The following ERBB4 variants were observed in gnomAD, a reference collection of about 807,000 sequenced individuals.
ERBB4 encodes the protein receptor tyrosine-protein kinase erbB-4.
In ERBB4, 42 loss-of-function variants were observed where a neutral mutation model predicts 158.0. The observed-to-expected ratio is 0.27, with a 90% CI of 0.21 to 0.34. ERBB4 has a LOEUF of 0.34. Among genes scored for constraint, ERBB4 ranks in the 10% least tolerant of loss-of-function variants. The pLI is 1.00. For synonymous variants in ERBB4, 583 were observed against 558.7 expected (o/e 1.04, Z -0.61); for missense variants, 1,333 against 1,624.1 (o/e 0.82, Z 3.08).
chr2:211,970,976 T>C lies in ERBB4; in HGVS notation c.235-23360A>G, dbSNP rs548532334. 2.0e-3 allele frequency among the ~76,000 whole-genome samples: 299 copies of C among 152,328 alleles called. 1 individual carries two copies. The highest frequency in any genetic ancestry group is 7.0e-3 in the African/African-American group (291 of 41,584). ...TGTGGTTGCTTTACAGCATCACTGG[T>C]CTGTGTACTTCAGTGTGTTTCTGTA... On this transcript the variant is annotated intron_variant, in intron 2 of 27. Transcript: ENST00000342788.
intron 14 of ERBB4, among the ~76,000 whole-genome samples, chr2:211,670,040 A>G (rs936725556): frequency 6.6e-6 from 1 of 152,230 alleles, no homozygotes; most frequent in Admixed American, 6.5e-5. Flanking sequence ...AGAATATATC[A>G]TAAGATCAGG....
At position 212,003,181 on chromosome 2, in the gene ERBB4, G is replaced by GA. The variant is rs775317883; in HGVS notation, c.235-55566dup. 9.7e-3 allele frequency among the ~76,000 whole-genome samples: 535 copies of GA among 55,066 alleles called. 16 individuals carry two copies. The highest frequency in any genetic ancestry group is 0.013 in the Non-Finnish European group (275 of 21,722). 36.1% of individuals were successfully genotyped at this position (55,066 alleles called of 152,430 possible). ...AGAAAGAAAGAAAGAAAGAAAGAAA[G>GA]AAAGAAAGAAAGAAAGAAAGAAAGA... On this transcript the variant is annotated intron_variant, in intron 2 of 27. Coordinates refer to ENST00000342788, the MANE Select transcript of ERBB4 (RefSeq NM_005235.3).
rs148888536 is a variant in ERBB4 at position 211,540,365 on chromosome 2, C to T, written c.2487+21538G>A. Among the ~76,000 whole-genome samples the T allele has an allele frequency of 2.2e-4, 33 of 151,842 alleles. No homozygotes were observed. The East Asian group carries it at 5.3e-3, about 24-fold the overall frequency. On this transcript the variant is annotated intron_variant, in intron 20 of 27. Coordinates refer to ENST00000342788, the MANE Select transcript of ERBB4 (RefSeq NM_005235.3). The stretch of plus-strand genomic sequence containing the variant: ...CATAATCTGGTAGGGGAGAGCAACT[C>T]GTACACATAATTGCAATGCAATCGA...
intron 2 of ERBB4, among the ~76,000 whole-genome samples, chr2:212,055,063 G>A (rs540372891): frequency 3.3e-5 from 5 of 152,178 alleles, no homozygotes; most frequent in Non-Finnish European, 5.9e-5. Flanking sequence ...AAGGGAAGCA[G>A]TGACGGATGG....
Position 211,533,834 on chromosome 2 carries a change from G to A in ERBB4, c.2487+28069C>T, listed in dbSNP as rs188191178. Among the ~76,000 whole-genome samples the A allele has an allele frequency of 2.0e-5, 3 of 152,098 alleles. No individual in the cohort carries two copies. The East Asian group carries it at 5.8e-4, about 29-fold the overall frequency. On this transcript the variant is annotated intron_variant, in intron 20 of 27. Coordinates refer to ENST00000342788, the MANE Select transcript of ERBB4 (RefSeq NM_005235.3). The stretch of plus-strand genomic sequence containing the variant: ...AACAGTGAGCTGAAAAACATGGTCA[G>A]TAATCTTTGGTCAAACATGCTATAA...
chr2:212,446,609 A>ATG lies in ERBB4; in HGVS notation c.82+91839_82+91840insCA, dbSNP rs1293473914. 4.4e-5 allele frequency among the ~76,000 whole-genome samples: 2 copies of ATG among 45,520 alleles called. 1 individual carries two copies. The highest frequency in any genetic ancestry group is 1.0e-4 in the Non-Finnish European group (2 of 19,608). 29.9% of individuals were successfully genotyped at this position (45,520 alleles called of 152,430 possible). On this transcript the variant is annotated intron_variant, in intron 1 of 27. Transcript: ENST00000342788. ...TATATATGTATATATATATATATAT[A>ATG]TATATATATATATATATATATATAT...
chr2:212,339,124 T>C (rs2088582797), intron 1 of ERBB4, among the ~76,000 whole-genome samples: 1 of 152,078 alleles, frequency 6.6e-6, no homozygotes, highest in Non-Finnish European at 1.5e-5. Context: ...ACATATTAAG[T>C]CCAGCATGCA....
chr2:211,676,374 A>G (rs2072070532), intron 13 of ERBB4, among the ~76,000 whole-genome samples: 1 of 152,220 alleles, frequency 6.6e-6, no homozygotes, highest in Non-Finnish European at 1.5e-5. Context: ...TAAATATGAA[A>G]TATGCTAAAT....
intron 1 of ERBB4, among the ~76,000 whole-genome samples, chr2:212,529,628 A>C (rs1692639993): frequency 6.6e-6 from 1 of 152,096 alleles, no homozygotes; most frequent in Admixed American, 6.5e-5. Flanking sequence ...AATGTATGCT[A>C]TTCATTCATG....
chr2:211,524,792 T>C (rs1173947066), intron 20 of ERBB4, among the ~76,000 whole-genome samples: 1 of 152,130 alleles, frequency 6.6e-6, no homozygotes, highest in Non-Finnish European at 1.5e-5. Flanking sequence ...GGGAGCCGGC[T>C]CTGGCCTTGG....
chr2:211,465,563 C>T (rs550818709), intron 20 of ERBB4, among the ~76,000 whole-genome samples: 1 of 150,630 alleles, frequency 6.6e-6, no homozygotes, highest in South Asian at 2.1e-4. Context: ...ACTTCACTTA[C>T]TTTTGAAGCC....
chr2:211,678,867 C>T (rs1006194269), intron 13 of ERBB4, among the ~76,000 whole-genome samples, 185 bp downstream of exon 13: 10 of 144,776 alleles, frequency 6.9e-5, no homozygotes, highest in Non-Finnish European at 1.5e-4. Context: ...CTTGGGAGGC[C>T]AAGGCAGGAG....
intron 1 of ERBB4, among the ~76,000 whole-genome samples, chr2:212,274,512 C>A (rs965789848): frequency 6.6e-6 from 1 of 151,732 alleles, no homozygotes; most frequent in African/African-American, 2.4e-5. Flanking sequence ...TAGCAACTAG[C>A]GGAGGCTAGA....
chr2:212,474,822 C>CTTTGTTTTTTTTTTT (rs1689296826), intron 1 of ERBB4, among the ~76,000 whole-genome samples: 1 of 94,412 alleles, frequency 1.1e-5, no homozygotes, highest in African/African-American at 6.1e-5. Flanking sequence ...CCCGGCCATT[C>CTTTGTTTTTTTTTTT]TTTTTTTTTT....
intron 1 of ERBB4, among the ~76,000 whole-genome samples, chr2:212,414,278 A>T (rs1487086901): frequency 6.6e-6 from 1 of 152,200 alleles, no homozygotes; most frequent in East Asian, 1.9e-4. Context: ...CAATTGGCAG[A>T]TTCATTGCTC....
chr2:211,574,433 C>T (rs1451967304), intron 19 of ERBB4, among the ~76,000 whole-genome samples: 3 of 152,122 alleles, frequency 2.0e-5, no homozygotes, highest in Non-Finnish European at 2.9e-5. Context: ...TAATAATAAT[C>T]AATAACAATA....
chr2:212,237,652 T>G (rs1045067792), intron 1 of ERBB4, among the ~76,000 whole-genome samples: 4 of 152,114 alleles, frequency 2.6e-5, no homozygotes, highest in Non-Finnish European at 1.5e-5. Context: ...GGCAGGAACA[T>G]TTAAGTCTGC....
At chr2:211,407,889 G>A (rs3791697) in intron 25 of ERBB4, among the ~76,000 whole-genome samples, 54,270 of 151,900 alleles carry the variant, frequency 0.36, 10,174 homozygotes, top group South Asian at 0.56. Flanking sequence ...CTGATGAGCC[G>A]GCCCACCCCC....
chr2:211,408,740 C>T (rs982199327), intron 25 of ERBB4, among the ~76,000 whole-genome samples: 7 of 152,136 alleles, frequency 4.6e-5, no homozygotes, highest in African/African-American at 1.7e-4. Context: ...TGGTATTTGC[C>T]AAGCTCTTAA....
Sources: allele counts gnomAD v4.1 joint callset (sites outside exome capture counted in the v4.1 genomes callset), GRCh38; gene constraint gnomAD v4.1.1; transcripts MANE v1.5; gene names NCBI Gene and HGNC (gene_info 2026-07-23, HGNC 2026-07-21).